Variants in GAREM1 observed in about 807,000 individuals in gnomAD.
GAREM1 encodes GRB2 associated regulator of MAPK1 subtype 1, also known as GRB2-associated and regulator of MAPK protein 1.
Under a neutral mutation model 71.3 loss-of-function variants are expected in GAREM1, and 26 were observed. The observed-to-expected ratio is 0.36, with a 90% CI of 0.27 to 0.51. The LOEUF (loss-of-function observed/expected upper bound fraction) is 0.51, where lower values mean the gene tolerates loss of function less well. GAREM1 is among the 20% of genes least tolerant of loss of function. The probability of loss-of-function intolerance (pLI) is 0.95; values close to 1 mark genes in which losing one functional copy is unlikely to be tolerated. For missense variants in GAREM1, 1,026 were observed against 1,103.1 expected (o/e 0.93, Z 0.99); for synonymous variants, 440 against 433.2 (o/e 1.02, Z -0.20).
In GAREM1 at chr18:32,360,204, TAAAGA is replaced by T. The variant is rs1324517958; in HGVS notation, c.262+32686_262+32690del. On this transcript the variant is annotated intron_variant, in intron 2 of 5. Transcript: ENST00000269209. ...CAATTTTTAGTTTCCAGCTGCTTCT[TAAAGA>T]AAAAAAAAATCCTGTTTAAAAAATA... Among the ~76,000 whole-genome samples the T allele has an allele frequency of 2.0e-5, 3 of 151,464 alleles. No individual in the cohort carries two copies. In the East Asian group the frequency reaches 5.8e-4, roughly 29 times the overall value.
chr18:32,279,113 G>C (rs529642038), intron 4 of GAREM1, among the ~76,000 whole-genome samples: 7 of 152,310 alleles, frequency 4.6e-5, no homozygotes, highest in Non-Finnish European at 1.0e-4. Flanking sequence ...TCCTGAGCAA[G>C]GAGTGTACGT....
chr18:32,287,384 C>T lies in GAREM1; in HGVS notation c.1213G>A (p.Gly405Ser), dbSNP rs780655021. 4.3e-6 allele frequency: 7 copies of T among 1,614,118 alleles called. No homozygotes were observed. The highest frequency in any genetic ancestry group is 1.3e-5 in the African/African-American group (1 of 74,948). ...LHGNSEVNLH[G>S]CRDLGGDWAP... ...CAATCTCCCCCCAGGTCCCTGCAAC[C>T]ATGAAGGTTCACCTCACTGTTGCCA... Residue 405 changes from glycine (G) to serine (S), a missense_variant, in exon 4 of 6, where the codon GGT (glycine) becomes AGT (serine). Physicochemically the swap from Gly to Ser is moderately conservative, Grantham distance 56. This residue lies in a region of GAREM1 where 636 missense variants were observed against 631.2 expected (regional missense o/e 1.01). Coordinates refer to ENST00000269209, the MANE Select transcript of GAREM1 (RefSeq NM_001242409.2). The surrounding 1 kb of genome is among the most constrained non-coding windows in gnomAD (Gnocchi z 5.9).
At chr18:32,312,147 A>G (rs1284126223) in intron 2 of GAREM1, among the ~76,000 whole-genome samples, 1 of 152,190 alleles carries the variant, frequency 6.6e-6, no homozygotes, top group Non-Finnish European at 1.5e-5. Flanking sequence ...AAGTTCTTAG[A>G]CACCGAAGTG....
intron 2 of GAREM1, among the ~76,000 whole-genome samples, chr18:32,338,667 G>A (rs1027893230): frequency 1.3e-5 from 2 of 152,122 alleles, no homozygotes; most frequent in African/African-American, 4.8e-5. Flanking sequence ...ATTTAAGCTC[G>A]AGATAATCAG....
At chr18:32,326,889 C>T (rs1036043773) in intron 2 of GAREM1, among the ~76,000 whole-genome samples, 1 of 152,192 alleles carries the variant, frequency 6.6e-6, no homozygotes, top group Non-Finnish European at 1.5e-5. Flanking sequence ...AATATTCCAT[C>T]CAACAGGGGC....
intron 1 of GAREM1, among the ~76,000 whole-genome samples, chr18:32,404,338 G>A (rs1306626058): frequency 6.6e-6 from 1 of 152,016 alleles, no homozygotes; most frequent in Non-Finnish European, 1.5e-5. Flanking sequence ...TAATCAACTT[G>A]TTAGCTTAAC....
chr18:32,406,876 TATCA>T (rs1480943423), intron 1 of GAREM1, among the ~76,000 whole-genome samples: 1 of 152,172 alleles, frequency 6.6e-6, no homozygotes, highest in African/African-American at 2.4e-5. Flanking sequence ...CAGACACTGG[TATCA>T]ATCAAATAAA....
chr18:32,315,680 C>A (rs1468849127), intron 2 of GAREM1, among the ~76,000 whole-genome samples: 2 of 151,870 alleles, frequency 1.3e-5, no homozygotes, highest in Non-Finnish European at 2.9e-5. Context: ...ACAGTTGGTG[C>A]AGGTCTAGAA....
chr18:32,454,779 A>G (rs2048871825), intron 1 of GAREM1, among the ~76,000 whole-genome samples: 1 of 152,138 alleles, frequency 6.6e-6, no homozygotes, highest in Non-Finnish European at 1.5e-5. Flanking sequence ...TAAAGAACAG[A>G]GTGTGTGCAC....
At chr18:32,354,229 G>A (rs978811049) in intron 2 of GAREM1, among the ~76,000 whole-genome samples, 3 of 152,112 alleles carry the variant, frequency 2.0e-5, no homozygotes, top group Non-Finnish European at 1.5e-5. Context: ...TAGCTTTTGT[G>A]TACACTTCTA....
chr18:32,396,752 A>C (rs1296648780), intron 1 of GAREM1, among the ~76,000 whole-genome samples: 1 of 152,238 alleles, frequency 6.6e-6, no homozygotes, highest in Non-Finnish European at 1.5e-5. Flanking sequence ...ATCCAGGAGA[A>C]CTTCCCCAAT....
chr18:32,284,976 C>T lies in GAREM1; in HGVS notation c.1566+2055G>A, dbSNP rs369362093. Reference sequence around the variant, plus strand: ...GTGTTAGCCAGGATGGTCTCGATCTCCTGACCTCATGATCCACCCACCTCG... The same window carrying T: ...GTGTTAGCCAGGATGGTCTCGATCTTCTGACCTCATGATCCACCCACCTCG... On this transcript the variant is annotated intron_variant, in intron 4 of 5. Transcript: ENST00000269209. Among the ~76,000 whole-genome samples, 33 of 152,114 alleles carry T rather than the reference C, an allele frequency of 2.2e-4. 1 individual carries two copies. Among genetic ancestry groups the T allele is most frequent in the African/African-American group, 7.7e-4 (32 of 41,504 alleles).
At chr18:32,458,881 C>T (rs1261559612) in intron 1 of GAREM1, among the ~76,000 whole-genome samples, 2 of 152,084 alleles carry the variant, frequency 1.3e-5, no homozygotes, top group Admixed American at 6.6e-5. Flanking sequence ...GCAATAAATA[C>T]CAACATTCTA....
intron 1 of GAREM1, among the ~76,000 whole-genome samples, chr18:32,462,360 T>TAATGACGGATGTTGACCATTTTTTTC (rs2048960688): frequency 6.6e-6 from 1 of 152,228 alleles, no homozygotes; most frequent in South Asian, 2.1e-4. Flanking sequence ...CATTCCTGAT[T>TAATGACGGATGTTGACCATTTTTTTC]AATGACGGAT....
At chr18:32,350,198 A>G (rs944146254) in intron 2 of GAREM1, among the ~76,000 whole-genome samples, 3 of 152,216 alleles carry the variant, frequency 2.0e-5, no homozygotes, top group Non-Finnish European at 4.4e-5. Flanking sequence ...AGAATGAGTC[A>G]TTCAGAGGCT....
At chr18:32,391,233 T>G (rs2048193955) in intron 2 of GAREM1, among the ~76,000 whole-genome samples, 2 of 152,286 alleles carry the variant, frequency 1.3e-5, no homozygotes, top group African/African-American at 4.8e-5. Flanking sequence ...GTGTCTAGTA[T>G]GTTCAGGAAA....
chr18:32,416,763 G>C (rs2048470207), intron 1 of GAREM1, among the ~76,000 whole-genome samples: 1 of 152,110 alleles, frequency 6.6e-6, no homozygotes, highest in African/African-American at 2.4e-5. Context: ...CTCAATCTAT[G>C]AAACTACTAA....
At chr18:32,390,852 C>G (rs1476488236) in intron 2 of GAREM1, among the ~76,000 whole-genome samples, 1 of 152,182 alleles carries the variant, frequency 6.6e-6, no homozygotes, top group Non-Finnish European at 1.5e-5. Context: ...AGCCAACACT[C>G]CAGACCAATT....
chr18:32,413,243 A>C (rs1233811375), intron 1 of GAREM1: 8 of 1,583,358 alleles, frequency 5.1e-6, no homozygotes, highest in Non-Finnish European at 6.1e-6. Flanking sequence ...AAAGGCCAGA[A>C]AAATATTTCA....
Sources: allele counts gnomAD v4.1 joint callset (sites outside exome capture counted in the v4.1 genomes callset), GRCh38; gene constraint gnomAD v4.1.1; regional missense constraint gnomAD v4.1.1; non-coding constraint Gnocchi (gnomAD v3.1); transcripts MANE v1.5; gene names NCBI Gene and HGNC (gene_info 2026-07-23, HGNC 2026-07-21).